DOCK3: variants seen among roughly 807,000 people sequenced by gnomAD.
DOCK3 encodes dedicator of cytokinesis protein 3.
Under a neutral mutation model 265.6 loss-of-function variants are expected in DOCK3, and 60 were observed. The ratio of observed to expected loss-of-function variants is 0.23; its 90% CI spans 0.18 to 0.28. DOCK3 has a LOEUF of 0.28. Among genes scored for constraint, DOCK3 ranks in the 10% least tolerant of loss-of-function variants. The probability of loss-of-function intolerance (pLI) is 1.00; values close to 1 mark genes in which losing one functional copy is unlikely to be tolerated. For missense variants in DOCK3, 1,981 were observed against 2,594.3 expected, an observed-to-expected ratio of 0.76 and a Z score of 5.14; for synonymous variants, 881 against 938.0, an observed-to-expected ratio of 0.94 and a Z score of 1.11.
chr3:51,263,979 C>T (rs551159132), intron 23 of DOCK3, among the ~76,000 whole-genome samples: 110 of 152,270 alleles, frequency 7.2e-4, no homozygotes, highest in African/African-American at 2.6e-3. Flanking sequence ...GAGACTTTAA[C>T]ATCCCACTCT....
chr3:50,927,993 C>G (rs944934889), intron 4 of DOCK3, among the ~76,000 whole-genome samples: 4 of 151,662 alleles, frequency 2.6e-5, no homozygotes, highest in Non-Finnish European at 5.9e-5. Flanking sequence ...TGTTTTTTTC[C>G]CCTGACCTGC....
intron 9 of DOCK3, among the ~76,000 whole-genome samples, chr3:51,099,348 C>A (rs1391836544): frequency 1.3e-5 from 2 of 152,154 alleles, no homozygotes; most frequent in East Asian, 3.8e-4. Context: ...TATATGCCAT[C>A]CTTCATTATG....
At chr3:50,840,228 G>A (rs2045751628) in intron 2 of DOCK3, among the ~76,000 whole-genome samples, 1 of 152,096 alleles carries the variant, frequency 6.6e-6, no homozygotes, top group South Asian at 2.1e-4. Flanking sequence ...TTTTAATGAA[G>A]CTCTGTGTAT....
chr3:51,312,143 C>T (rs1195896595), intron 29 of DOCK3, 64 bp downstream of exon 29: 2 of 1,420,334 alleles, frequency 1.4e-6, no homozygotes, highest in Non-Finnish European at 9.7e-7. Context: ...AAACCAAGCT[C>T]ACTTGTTTTT....
At chr3:50,854,879 T>G (rs1215742684) in intron 3 of DOCK3, among the ~76,000 whole-genome samples, 1 of 152,132 alleles carries the variant, frequency 6.6e-6, no homozygotes. Flanking sequence ...CACTATTTAT[T>G]GAATAGGGTG....
At chr3:50,702,714 A>G (rs1227869944) in intron 1 of DOCK3, among the ~76,000 whole-genome samples, 1 of 150,214 alleles carries the variant, frequency 6.7e-6, no homozygotes, top group Non-Finnish European at 1.5e-5. Flanking sequence ...TGCCAAATGC[A>G]TTTATCTGTT....
At chr3:50,732,971 T>G (rs2038315150) in intron 1 of DOCK3, among the ~76,000 whole-genome samples, 1 of 152,160 alleles carries the variant, frequency 6.6e-6, no homozygotes, top group Non-Finnish European at 1.5e-5. Context: ...ATTTATTAAT[T>G]TATTTAATTT....
At chr3:50,782,202 T>A (rs2041948941) in intron 2 of DOCK3, among the ~76,000 whole-genome samples, 1 of 152,216 alleles carries the variant, frequency 6.6e-6, no homozygotes, top group African/African-American at 2.4e-5. Flanking sequence ...ATTGCCATAC[T>A]GTTTTTCACA....
At chr3:50,764,109 A>G (rs2040707219) in intron 1 of DOCK3, among the ~76,000 whole-genome samples, 1 of 152,042 alleles carries the variant, frequency 6.6e-6, no homozygotes, top group Non-Finnish European at 1.5e-5. Flanking sequence ...TAGTTCTGTG[A>G]TGAGATGTTG....
At chr3:51,127,654 C>T (rs554958168) in intron 9 of DOCK3, among the ~76,000 whole-genome samples, 11 of 152,334 alleles carry the variant, frequency 7.2e-5, no homozygotes, top group South Asian at 2.1e-4. Flanking sequence ...AGGAAATACT[C>T]ATGACAATTA....
chr3:50,998,010 G>A (rs2078343136), intron 5 of DOCK3, among the ~76,000 whole-genome samples: 1 of 151,726 alleles, frequency 6.6e-6, no homozygotes, highest in Admixed American at 6.6e-5. Flanking sequence ...ATAATGTTGG[G>A]GTACTATATT....
rs1437627594 is a variant in DOCK3, at chr3:51,383,846, TAG to T, written c.*2290_*2291del. The stretch of plus-strand genomic sequence containing the variant: ...TACAGGAATTTGAGCAAAAAATGTA[TAG>T]AGTGTGATGTCCAATTGGTATTCAG... On this transcript the variant is annotated 3_prime_UTR_variant, in exon 53 of 53. Coordinates refer to ENST00000266037, the MANE Select transcript of DOCK3 (RefSeq NM_004947.5). 6.5e-6 allele frequency: 1 copy of T among 152,678 alleles called. No individual in the cohort carries two copies. Among genetic ancestry groups the T allele is most frequent in the Non-Finnish European group, 1.5e-5 (1 of 68,036 alleles). 9.5% of individuals were successfully genotyped at this position (152,678 alleles called of 1,614,324 possible). A position where few individuals can be genotyped will look rare whatever the true frequency, so the allele number is the denominator to read the frequency against.
chr3:50,821,292 C>T lies in DOCK3; in HGVS notation c.122-20383C>T, dbSNP rs143556703. Among the ~76,000 whole-genome samples the T allele has an allele frequency of 7.3e-5, 11 of 151,698 alleles. No homozygotes were observed. In the East Asian group the frequency reaches 1.9e-3, roughly 27 times the overall value. On this transcript the variant is annotated intron_variant, in intron 2 of 52. Transcript: ENST00000266037. ...GAGAAGGTATTTCCTAGGTTTTCTT[C>T]TAGGATTTTTTTTTCTTTTTTTTCT...
At chr3:50,778,079 G>A (rs1464227992) in intron 1 of DOCK3, among the ~76,000 whole-genome samples, 1 of 152,080 alleles carries the variant, frequency 6.6e-6, no homozygotes, top group Non-Finnish European at 1.5e-5. Flanking sequence ...TTTGAGGTAA[G>A]ATGGGGCTTT....
chr3:50,979,942 T>C (rs557372975), intron 5 of DOCK3, among the ~76,000 whole-genome samples: 8 of 152,288 alleles, frequency 5.3e-5, no homozygotes, highest in South Asian at 2.1e-4. Flanking sequence ...TTGTATGCCT[T>C]TTCTTTCTTT....
Position 51,333,031 on chromosome 3 carries a change from A to G in DOCK3, c.3515+4A>G. On this transcript the variant is annotated splice_donor_region_variant and intron_variant, in intron 34 of 52. Transcript: ENST00000266037. ...AGCTGTTTGGGCCCTACCCCAGGTA[A>G]GACTGCAGTGTGGTAAGTCTGCTGT... 1.2e-6 allele frequency: 2 copies of G among 1,613,966 alleles called. No individual in the cohort carries two copies. Among genetic ancestry groups the G allele is most frequent in the Non-Finnish European group, 1.7e-6 (2 of 1,179,868 alleles).
intron 5 of DOCK3, among the ~76,000 whole-genome samples, chr3:51,034,027 T>C (rs1261073354): frequency 6.6e-6 from 1 of 152,184 alleles, no homozygotes; most frequent in Non-Finnish European, 1.5e-5. Flanking sequence ...TAATGTCTTA[T>C]CGTTCTTAGT....
intron 22 of DOCK3, among the ~76,000 whole-genome samples, chr3:51,249,709 G>A: frequency 1.6e-5 from 2 of 126,734 alleles, no homozygotes; most frequent in Non-Finnish European, 3.5e-5. Context: ...GGGCGCCTCT[G>A]CCCGGCCGCC....
At chr3:51,233,937 C>A (rs1419503602) in intron 19 of DOCK3, among the ~76,000 whole-genome samples, 3 of 152,128 alleles carry the variant, frequency 2.0e-5, no homozygotes. Context: ...GAAGTGCAGA[C>A]CTCTCCCATG....
Sources: gnomAD v4.1 joint callset for allele counts (sites outside exome capture counted in the v4.1 genomes callset) on GRCh38, gnomAD v4.1.1 for gene constraint, MANE v1.5 for transcripts, NCBI Gene and HGNC (gene_info 2026-07-23, HGNC 2026-07-21) for gene names.